FAM107A: variants seen among roughly 807,000 people sequenced by gnomAD.
FAM107A encodes actin-associated protein FAM107A.
FAM107A carries 19 observed loss-of-function variants against 13.7 expected under a neutral mutation model. The ratio of observed to expected loss-of-function variants is 1.38; its 90% CI spans 0.97 to 2.03. The LOEUF is 2.03. Among genes scored for constraint, FAM107A ranks in the 30% most tolerant of loss-of-function variants. The pLI, the probability that FAM107A is intolerant of heterozygous loss-of-function variation, is 0.00. For synonymous variants in FAM107A, 82 were observed against 74.5 expected, an observed-to-expected ratio of 1.10 and a Z score of -0.52; for missense variants, 203 against 184.4, an observed-to-expected ratio of 1.10 and a Z score of -0.58.
chr3:58,615,691 T>C (rs571547106), intron 1 of FAM107A, among the ~76,000 whole-genome samples: 1 of 151,826 alleles, frequency 6.6e-6, no homozygotes, highest in Non-Finnish European at 1.5e-5. Context: ...AGCCCAGAAG[T>C]TGGAGACCAG....
chr3:58,602,852 G>A (rs1283798530), intron 1 of FAM107A, among the ~76,000 whole-genome samples: 1 of 152,118 alleles, frequency 6.6e-6, no homozygotes, highest in Non-Finnish European at 1.5e-5. Flanking sequence ...ATATATACAT[G>A]TTTGTGGGTA....
At chr3:58,572,853 C>G (rs1428479772) in intron 1 of FAM107A, 1 of 152,222 alleles carries the variant, frequency 6.6e-6, no homozygotes, top group African/African-American at 2.4e-5. Flanking sequence ...CTCAGTCACA[C>G]AGGGTTGCCC....
At chr3:58,601,964 G>A (rs1344126426) in intron 1 of FAM107A, among the ~76,000 whole-genome samples, 1 of 152,052 alleles carries the variant, frequency 6.6e-6, no homozygotes, top group Non-Finnish European at 1.5e-5. Flanking sequence ...GGAGGTCAAG[G>A]AACTGGATCC....
At chr3:58,581,602 C>T (rs769870515), upstream of FAM107A, among the ~76,000 whole-genome samples, 2 of 151,376 alleles carry the variant, frequency 1.3e-5, no homozygotes, top group Admixed American at 6.6e-5. Context: ...TTAAACCGTG[C>T]CCCCCGCCTC....
intron 1 of FAM107A, among the ~76,000 whole-genome samples, chr3:58,600,689 C>A (rs2065746055): frequency 6.6e-6 from 1 of 152,160 alleles, no homozygotes; most frequent in Non-Finnish European, 1.5e-5. Flanking sequence ...GTGGCTAGTG[C>A]AACTGAGGAG....
intron 1 of FAM107A, among the ~76,000 whole-genome samples, chr3:58,585,871 A>G (rs553687660): frequency 6.6e-6 from 1 of 152,346 alleles, no homozygotes; most frequent in East Asian, 1.9e-4. Context: ...GTCATATATT[A>G]GGTTAACTTC....
At chr3:58,607,613 T>A (rs2065807927) in intron 1 of FAM107A, 1 of 135,682 alleles carries the variant, frequency 7.4e-6, no homozygotes, top group Admixed American at 7.8e-5. Context: ...TGTATACGTG[T>A]GCATGTACAT....
At chr3:58,612,258 G>A (rs2065861486) in intron 1 of FAM107A, among the ~76,000 whole-genome samples, 1 of 152,122 alleles carries the variant, frequency 6.6e-6, no homozygotes, top group Non-Finnish European at 1.5e-5. Context: ...GTGGCATGTT[G>A]GTATCAGTGG....
At chr3:58,576,234 G>C (rs1308643414) in intron 1 of FAM107A, among the ~76,000 whole-genome samples, 1 of 152,236 alleles carries the variant, frequency 6.6e-6, no homozygotes, top group Non-Finnish European at 1.5e-5. Flanking sequence ...AATGACTCAA[G>C]GCTGACTTCC....
chr3:58,623,832 T>C (rs1301531340), intron 1 of FAM107A, among the ~76,000 whole-genome samples: 1 of 152,224 alleles, frequency 6.6e-6, no homozygotes, highest in East Asian at 1.9e-4. Context: ...AATGAGCGAA[T>C]TGGTGCAGAA....
intron 1 of FAM107A, among the ~76,000 whole-genome samples, chr3:58,575,424 T>A (rs1021734217): frequency 4.6e-5 from 7 of 152,182 alleles, no homozygotes; most frequent in Non-Finnish European, 8.8e-5. Flanking sequence ...TGGTCACCAC[T>A]AGAATTTGAT....
chr3:58,600,296 G>A (rs1018235145), intron 1 of FAM107A, among the ~76,000 whole-genome samples: 6 of 152,116 alleles, frequency 3.9e-5, no homozygotes, highest in Non-Finnish European at 7.4e-5. Flanking sequence ...AAGGAGGTGA[G>A]GCCTCAGAGA....
At chr3:58,611,135 G>A (rs1401594632) in intron 1 of FAM107A, among the ~76,000 whole-genome samples, 1 of 152,184 alleles carries the variant, frequency 6.6e-6, no homozygotes, top group Non-Finnish European at 1.5e-5. Context: ...ATGACTGTAA[G>A]TTTCCTGAGG....
upstream of FAM107A, among the ~76,000 whole-genome samples, chr3:58,579,988 G>A (rs1315124597): frequency 2.0e-5 from 3 of 152,120 alleles, no homozygotes; most frequent in South Asian, 2.1e-4. Context: ...TGAAGACACC[G>A]AAAACCTTGA....
rs965276544 is a variant in FAM107A at position 58,613,173 on chromosome 3, C to T, written c.-70+14243G>A. ...AGGTAACACCGACAAAAATAGCAGC[C>T]ATTTGTTGAGCTCACACTATGTGTC... On this transcript the variant is annotated intron_variant, in intron 1 of 3. Transcript: ENST00000465970. The surrounding 1 kb of genome is among the most constrained non-coding windows in gnomAD (Gnocchi z 4.6). 4.6e-5 allele frequency among the ~76,000 whole-genome samples: 7 copies of T among 152,138 alleles called. No homozygotes were observed. The highest frequency in any genetic ancestry group is 1.7e-4 in the African/African-American group (7 of 41,410).
chr3:58,614,937 C>T (rs1361281093), intron 1 of FAM107A, among the ~76,000 whole-genome samples: 1 of 152,208 alleles, frequency 6.6e-6, no homozygotes, highest in Non-Finnish European at 1.5e-5. Flanking sequence ...TCCTGAGTAG[C>T]TGGGATTACA....
At chr3:58,578,656 A>T (rs572322169), upstream of FAM107A, among the ~76,000 whole-genome samples, 1 of 152,212 alleles carries the variant, frequency 6.6e-6, no homozygotes, top group South Asian at 2.1e-4. Context: ...GCTTATAGAT[A>T]ATGGAGGCAT....
At chr3:58,589,266 T>A (rs376423335), upstream of FAM107A, 5 of 1,531,262 alleles carry the variant, frequency 3.3e-6, no homozygotes, top group South Asian at 1.2e-5. Context: ...GGAGAGTATG[T>A]TTTCTGTAAA....
intron 1 of FAM107A, among the ~76,000 whole-genome samples, chr3:58,574,575 T>C (rs1018496450): frequency 2.6e-5 from 4 of 152,262 alleles, no homozygotes; most frequent in African/African-American, 7.2e-5. Flanking sequence ...CTCTGTAGAA[T>C]TGTGATGCTG....
Sources: allele counts gnomAD v4.1 joint callset (sites outside exome capture counted in the v4.1 genomes callset), GRCh38; gene constraint gnomAD v4.1.1; non-coding constraint Gnocchi (gnomAD v3.1); transcripts MANE v1.5; gene names NCBI Gene and HGNC (gene_info 2026-07-23, HGNC 2026-07-21).